The following ST6GALNAC3 variants were observed in gnomAD, a reference collection of about 807,000 sequenced individuals.
ST6GALNAC3 encodes the protein alpha-N-acetylgalactosaminide alpha-2,6-sialyltransferase 3.
ST6GALNAC3 carries 25 observed loss-of-function variants against 32.7 expected under a neutral mutation model. The observed-to-expected ratio is 0.76, with a 90% CI of 0.56 to 1.07. The LOEUF (loss-of-function observed/expected upper bound fraction) is 1.07, where lower values mean the gene tolerates loss of function less well. ST6GALNAC3 is among the 50% of genes least tolerant of loss of function. The pLI, the probability that ST6GALNAC3 is intolerant of heterozygous loss-of-function variation, is 0.00. For missense variants in ST6GALNAC3, 355 were observed against 382.4 expected (o/e 0.93, Z 0.60); for synonymous variants, 129 against 133.1 (o/e 0.97, Z 0.21).
intron 3 of ST6GALNAC3, among the ~76,000 whole-genome samples, chr1:76,576,252 T>C (rs538010117): frequency 9.9e-4 from 151 of 152,190 alleles, no homozygotes; most frequent in African/African-American, 3.4e-3. Context: ...GCCTCCATGA[T>C]AGTGTTTTTG....
intron 2 of ST6GALNAC3, among the ~76,000 whole-genome samples, chr1:76,360,679 T>C (rs1649857578): frequency 6.6e-6 from 1 of 152,210 alleles, no homozygotes; most frequent in Non-Finnish European, 1.5e-5. Flanking sequence ...TGCATTAATT[T>C]GATTGCATGC....
chr1:76,504,573 G>A (rs1472645232), intron 3 of ST6GALNAC3, among the ~76,000 whole-genome samples: 1 of 152,052 alleles, frequency 6.6e-6, no homozygotes, highest in Non-Finnish European at 1.5e-5. Context: ...AAAGTAATCT[G>A]TATTTAAAGT....
Position 76,363,281 on chromosome 1 carries a change from G to A in ST6GALNAC3, c.214-48727G>A, listed in dbSNP as rs373542724. On this transcript the variant is annotated intron_variant, in intron 2 of 4. Transcript: ENST00000328299. ...AGATACTGTAAATCATCACTCTCAT[G>A]TTCAAAGTTCCACAGATCCCTGGAG... Among the ~76,000 whole-genome samples, 5 of 152,262 alleles carry A rather than the reference G, an allele frequency of 3.3e-5. No individual in the cohort carries two copies. The East Asian group carries it at 9.7e-4, about 29-fold the overall frequency.
intron 3 of ST6GALNAC3, among the ~76,000 whole-genome samples, chr1:76,595,883 AGTT>A (rs1015286024): frequency 6.6e-6 from 1 of 152,066 alleles, no homozygotes; most frequent in African/African-American, 2.4e-5. Flanking sequence ...GGTGTCCTGT[AGTT>A]GTTTATTATG....
intron 1 of ST6GALNAC3, among the ~76,000 whole-genome samples, chr1:76,193,682 C>T (rs1200280071): frequency 1.3e-5 from 2 of 152,278 alleles, no homozygotes; most frequent in East Asian, 1.9e-4. Flanking sequence ...TCCTATCTTA[C>T]TGATCCTCTG....
chr1:76,405,617 G>A (rs1156530525), intron 2 of ST6GALNAC3, among the ~76,000 whole-genome samples: 1 of 151,824 alleles, frequency 6.6e-6, no homozygotes, highest in Non-Finnish European at 1.5e-5. Context: ...ATTTGTGTGT[G>A]TGTGTGTGTG....
intron 1 of ST6GALNAC3, among the ~76,000 whole-genome samples, chr1:76,284,561 C>T (rs1659671893): frequency 6.6e-6 from 1 of 152,012 alleles, no homozygotes; most frequent in Admixed American, 6.6e-5. Flanking sequence ...ACAAGTTTTG[C>T]TGATAAAGAA....
chr1:76,164,852 T>C (rs1367589711), intron 1 of ST6GALNAC3, among the ~76,000 whole-genome samples: 1 of 152,198 alleles, frequency 6.6e-6, no homozygotes, highest in Non-Finnish European at 1.5e-5. Flanking sequence ...TTGAAAAATG[T>C]AGGCATCTAT....
In ST6GALNAC3 at chr1:76,173,342, G is replaced by A. The variant is rs191472971; in HGVS notation, c.18+98458G>A. On this transcript the variant is annotated intron_variant, in intron 1 of 4. Transcript: ENST00000328299. Reference sequence around the variant, plus strand: ...CTTATACAAAAATTCACTCAAGATGGATTAAATACTTAAATGTAAAACTCA... The same window carrying A: ...CTTATACAAAAATTCACTCAAGATGAATTAAATACTTAAATGTAAAACTCA... Among the ~76,000 whole-genome samples the A allele has an allele frequency of 3.0e-4, 45 of 152,272 alleles. No homozygotes were observed. The East Asian group carries it at 8.7e-3, about 29-fold the overall frequency.
intron 1 of ST6GALNAC3, among the ~76,000 whole-genome samples, chr1:76,143,640 A>G (rs1358250279): frequency 6.6e-6 from 1 of 152,208 alleles, no homozygotes; most frequent in Non-Finnish European, 1.5e-5. Flanking sequence ...AATATTTTCC[A>G]AACAATTCAA....
At chr1:76,188,049 T>G (rs890355458) in intron 1 of ST6GALNAC3, among the ~76,000 whole-genome samples, 1 of 152,124 alleles carries the variant, frequency 6.6e-6, no homozygotes, top group Admixed American at 6.5e-5. Flanking sequence ...AGCCTATGAA[T>G]AGATATAAGT....
chr1:76,226,770 C>G (rs553280942), intron 1 of ST6GALNAC3, among the ~76,000 whole-genome samples: 1 of 152,210 alleles, frequency 6.6e-6, no homozygotes, highest in East Asian at 1.9e-4. Flanking sequence ...AGAACAGAAC[C>G]AAGGGGATGG....
intron 1 of ST6GALNAC3, among the ~76,000 whole-genome samples, chr1:76,183,466 A>C (rs1653319747): frequency 6.6e-6 from 1 of 152,154 alleles, no homozygotes; most frequent in Non-Finnish European, 1.5e-5. Context: ...TATGAGTGTC[A>C]TATATGTGTA....
chr1:76,391,233 C>A (rs12752451), intron 2 of ST6GALNAC3, among the ~76,000 whole-genome samples: 6,835 of 152,192 alleles, frequency 0.045, 222 homozygotes, highest in African/African-American at 0.086. Flanking sequence ...AGCCACCTCG[C>A]CTGGCCCAAA....
intron 1 of ST6GALNAC3, among the ~76,000 whole-genome samples, chr1:76,118,132 C>T (rs1403495679): frequency 6.6e-6 from 1 of 152,102 alleles, no homozygotes; most frequent in African/African-American, 2.4e-5. Context: ...AATGCTCTCC[C>T]TCCCCTTGCC....
At chr1:76,539,617 T>G (rs1663857567) in intron 3 of ST6GALNAC3, among the ~76,000 whole-genome samples, 1 of 151,952 alleles carries the variant, frequency 6.6e-6, no homozygotes, top group African/African-American at 2.4e-5. Flanking sequence ...AGTCTACCCA[T>G]CTGACAAAGG....
At chr1:76,440,957 G>A (rs1374408665) in intron 3 of ST6GALNAC3, among the ~76,000 whole-genome samples, 1 of 151,944 alleles carries the variant, frequency 6.6e-6, no homozygotes, top group Admixed American at 6.6e-5. Flanking sequence ...GCATGGTGGG[G>A]TGTGCCTGTA....
chr1:76,303,219 A>G (rs1020315362), intron 1 of ST6GALNAC3, among the ~76,000 whole-genome samples: 1 of 151,988 alleles, frequency 6.6e-6, no homozygotes, highest in African/African-American at 2.4e-5. Context: ...AGTTAATCAG[A>G]GGCTGAAGTG....
chr1:76,547,553 G>A (rs920903398), intron 3 of ST6GALNAC3, among the ~76,000 whole-genome samples: 10 of 152,144 alleles, frequency 6.6e-5, no homozygotes, highest in Non-Finnish European at 1.3e-4. Context: ...GTAGAAAAGG[G>A]TGTACTTTCT....
Sources: gnomAD v4.1 joint callset for allele counts (sites outside exome capture counted in the v4.1 genomes callset) on GRCh38, gnomAD v4.1.1 for gene constraint, MANE v1.5 for transcripts, NCBI Gene and HGNC (gene_info 2026-07-23, HGNC 2026-07-21) for gene names.